FBXL20: variants seen among roughly 807,000 people sequenced by gnomAD.
The protein encoded by FBXL20 is F-box/LRR-repeat protein 20.
In FBXL20, 11 loss-of-function variants were observed where a neutral mutation model predicts 64.0. That is an observed-to-expected ratio of 0.17 (90% CI 0.11 to 0.28). The LOEUF (loss-of-function observed/expected upper bound fraction) is 0.28. FBXL20 is among the 10% of genes least tolerant of loss of function. FBXL20 has a pLI of 1.00. For missense variants in FBXL20, 303 were observed against 526.2 expected, an observed-to-expected ratio of 0.58 and a Z score of 4.15; for synonymous variants, 184 against 189.0, an observed-to-expected ratio of 0.97 and a Z score of 0.22.
chr17:39,344,833 TTA>T (rs1233192544), intron 1 of FBXL20, among the ~76,000 whole-genome samples: 2 of 152,098 alleles, frequency 1.3e-5, no homozygotes, highest in African/African-American at 4.8e-5. Context: ...TCTTTCATGT[TTA>T]TATATTGTGC....
chr17:39,327,751 A>G (rs2047422208), intron 2 of FBXL20, among the ~76,000 whole-genome samples: 1 of 152,128 alleles, frequency 6.6e-6, no homozygotes. Context: ...CCCAGGCTGT[A>G]GTGCAGTGGC....
At chr17:39,365,736 T>C (rs988644674) in intron 1 of FBXL20, among the ~76,000 whole-genome samples, 1 of 152,222 alleles carries the variant, frequency 6.6e-6, no homozygotes, top group Non-Finnish European at 1.5e-5. Flanking sequence ...ACCTGGAGGA[T>C]TCCATGAACT....
Position 39,268,849 on chromosome 17 carries a change from ATCTTT to A in FBXL20, c.906_910del (p.Glu302AspfsTer12). On this transcript the variant is annotated frameshift_variant, in exon 12 of 15. Transcript: ENST00000264658. LOFTEE classifies it high-confidence loss of function. ...TACCTGAACACACTCTTCCAGGTCC[ATCTTT>A]TCAAGTTCATGGCAATTCTACAAAG... The A allele has an allele frequency of 6.2e-7, 1 of 1,613,964 alleles. No individual in the cohort carries two copies. The highest frequency in any genetic ancestry group is 8.5e-7 in the Non-Finnish European group (1 of 1,179,910).
At chr17:39,290,380 T>A (rs1168219920) in intron 6 of FBXL20, among the ~76,000 whole-genome samples, 3 of 152,100 alleles carry the variant, frequency 2.0e-5, no homozygotes, top group Non-Finnish European at 4.4e-5. Flanking sequence ...TAATCCTTCC[T>A]CTATTGCATT....
At chr17:39,361,839 G>T (rs537906050) in intron 1 of FBXL20, among the ~76,000 whole-genome samples, 1 of 151,936 alleles carries the variant, frequency 6.6e-6, no homozygotes, top group African/African-American at 2.4e-5. Flanking sequence ...GCTCATACCT[G>T]TAAATCCCAG....
At chr17:39,286,636 T>C (rs1054077993) in intron 6 of FBXL20, among the ~76,000 whole-genome samples, 2 of 152,048 alleles carry the variant, frequency 1.3e-5, no homozygotes, top group African/African-American at 2.4e-5. Flanking sequence ...CTGTCTCTAC[T>C]AAAAATACAA....
rs990093545 is a variant in FBXL20, at chr17:39,253,985, A to G, written c.*7475T>C. 4 of 152,258 alleles carry G rather than the reference A, an allele frequency of 2.6e-5. No individual in the cohort carries two copies. The highest frequency in any genetic ancestry group is 1.3e-4 in the Admixed American group (2 of 15,280). 9.4% of individuals were successfully genotyped at this position (152,258 alleles called of 1,614,324 possible). On this transcript the variant is annotated 3_prime_UTR_variant, in exon 15 of 15. Coordinates refer to ENST00000264658, the MANE Select transcript of FBXL20 (RefSeq NM_032875.3). ...TCAAGGCCTGAGAAGGTTCAGGCTA[A>G]GGTAAGAAACATATATGTGTGAGCA...
chr17:39,337,819 G>GT (rs1025749576), intron 2 of FBXL20, among the ~76,000 whole-genome samples: 1 of 148,320 alleles, frequency 6.7e-6, no homozygotes, highest in Admixed American at 6.7e-5. Flanking sequence ...CAGGAGGGAG[G>GT]TGGGGGGTCA....
intron 6 of FBXL20, among the ~76,000 whole-genome samples, chr17:39,290,155 C>T (rs1328860584): frequency 2.0e-5 from 3 of 149,996 alleles, no homozygotes; most frequent in African/African-American, 7.4e-5. Context: ...TAAGTTTATC[C>T]TTATATTTTT....
chr17:39,387,064 T>A (rs1295959567), intron 1 of FBXL20, among the ~76,000 whole-genome samples: 2 of 152,200 alleles, frequency 1.3e-5, no homozygotes, highest in Non-Finnish European at 2.9e-5. Flanking sequence ...GTACACGTAA[T>A]ATGCATCAGT....
chr17:39,336,968 T>TCTC (rs1448450143), intron 2 of FBXL20, among the ~76,000 whole-genome samples: 2 of 151,468 alleles, frequency 1.3e-5, no homozygotes, highest in Non-Finnish European at 2.9e-5. Flanking sequence ...CTCCTCTCCC[T>TCTC]CCTCTCCCTC....
At chr17:39,298,961 A>G (rs555151219) in intron 5 of FBXL20, 29 bp downstream of exon 5, 9 of 1,565,204 alleles carry the variant, frequency 5.8e-6, no homozygotes, top group South Asian at 1.1e-5. Flanking sequence ...ACTTCCATCA[A>G]GAAGATTAAT....
chr17:39,370,639 C>CA (rs551751438), intron 1 of FBXL20, among the ~76,000 whole-genome samples: 2,107 of 146,744 alleles, frequency 0.014, 54 homozygotes, highest in African/African-American at 0.051. Flanking sequence ...AAAAAAAATA[C>CA]AAAAAATTAG....
At position 39,401,436 on chromosome 17, in the gene FBXL20, C is replaced by A; in HGVS notation, c.-34G>T. 1 of 1,570,986 alleles carries A rather than the reference C, an allele frequency of 6.4e-7. No individual in the cohort carries two copies. The highest frequency in any genetic ancestry group is 8.6e-7 in the Non-Finnish European group (1 of 1,159,932). On this transcript the variant is annotated 5_prime_UTR_variant, in exon 1 of 15. Coordinates refer to ENST00000264658, the MANE Select transcript of FBXL20 (RefSeq NM_032875.3). ...CGGGTGCGGCCCGGGCCGGGCGCTGCGGCGAGCGGAGTGCACAGACCGGGG... is the reference window on the plus strand; with the variant it reads ...CGGGTGCGGCCCGGGCCGGGCGCTGAGGCGAGCGGAGTGCACAGACCGGGG...
At chr17:39,302,827 T>G (rs2047149704) in intron 3 of FBXL20, among the ~76,000 whole-genome samples, 1 of 152,116 alleles carries the variant, frequency 6.6e-6, no homozygotes, top group South Asian at 2.1e-4. Context: ...AGTACTTCTT[T>G]GCTATCTATA....
chr17:39,367,116 C>G (rs1487002258), intron 1 of FBXL20, among the ~76,000 whole-genome samples: 2 of 151,898 alleles, frequency 1.3e-5, no homozygotes, highest in Non-Finnish European at 2.9e-5. Flanking sequence ...ATCTCCTGAC[C>G]TCAAGATCTG....
intron 2 of FBXL20, among the ~76,000 whole-genome samples, chr17:39,318,065 G>A (rs2047314171): frequency 6.6e-6 from 1 of 152,028 alleles, no homozygotes; most frequent in Non-Finnish European, 1.5e-5. Context: ...CCTCATATTT[G>A]AAGAATGTAA....
chr17:39,319,366 A>G (rs2047327990), intron 2 of FBXL20, among the ~76,000 whole-genome samples: 1 of 151,990 alleles, frequency 6.6e-6, no homozygotes, highest in South Asian at 2.1e-4. Context: ...CAAAATGGCC[A>G]CTAAAGCCCA....
At chr17:39,290,555 T>C (rs2047028594) in intron 6 of FBXL20, among the ~76,000 whole-genome samples, 1 of 152,100 alleles carries the variant, frequency 6.6e-6, no homozygotes, top group Non-Finnish European at 1.5e-5. Flanking sequence ...GAAGTTACGT[T>C]ATCTTATTTG....
Sources: allele counts gnomAD v4.1 joint callset (sites outside exome capture counted in the v4.1 genomes callset), GRCh38; gene constraint gnomAD v4.1.1; transcripts MANE v1.5; gene names NCBI Gene and HGNC (gene_info 2026-07-23, HGNC 2026-07-21).